C3orf33: variants seen among roughly 807,000 people sequenced by gnomAD.
C3orf33 encodes the protein mitochondrial inner membrane subdomain organizer 1.
C3orf33 carries 23 observed loss-of-function variants against 28.7 expected under a neutral mutation model. The ratio of observed to expected loss-of-function variants is 0.80; its 90% CI spans 0.58 to 1.13. C3orf33 has a LOEUF of 1.13. Ranked by LOEUF, C3orf33 falls within the 50% of genes most tolerant of loss-of-function variation. C3orf33 has a pLI of 0.00. For synonymous variants in C3orf33, 119 were observed against 120.5 expected (o/e 0.99, Z 0.08); for missense variants, 327 against 353.4 (o/e 0.93, Z 0.60).
chr3:155,777,761 C>T (rs1450003649), intron 2 of C3orf33, among the ~76,000 whole-genome samples: 1 of 152,062 alleles, frequency 6.6e-6, no homozygotes, highest in Non-Finnish European at 1.5e-5. Context: ...CTGAATCTCA[C>T]AAGGCAAGAA....
At chr3:155,768,197 G>A (rs1750474156) in intron 3 of C3orf33, among the ~76,000 whole-genome samples, 1 of 151,450 alleles carries the variant, frequency 6.6e-6, no homozygotes, top group African/African-American at 2.4e-5. Context: ...ACCCATTTCA[G>A]TAAGCTTCAG....
intron 2 of C3orf33, among the ~76,000 whole-genome samples, chr3:155,799,724 T>C (rs1751584712): frequency 6.6e-6 from 1 of 152,080 alleles, no homozygotes; most frequent in African/African-American, 2.4e-5. Flanking sequence ...ATATACATGG[T>C]AGAATACTAT....
chr3:155,806,115 G>A (rs1211604933), intron 1 of C3orf33, 24 bp downstream of exon 1: 6 of 1,383,270 alleles, frequency 4.3e-6, no homozygotes, highest in Non-Finnish European at 5.7e-6. Context: ...CCCACCACCC[G>A]CCCAGACTGC....
intron 2 of C3orf33, among the ~76,000 whole-genome samples, chr3:155,788,202 G>A (rs112074828): frequency 0.56 from 82,458 of 148,214 alleles, 23,548 homozygotes; most frequent in Middle Eastern, 0.69. Flanking sequence ...AAAAAAAAAA[G>A]GATAAAATAA....
intron 4 of C3orf33, among the ~76,000 whole-genome samples, chr3:155,767,070 TGG>T (rs1750431372): frequency 6.6e-6 from 1 of 152,070 alleles, no homozygotes; most frequent in Non-Finnish European, 1.5e-5. Flanking sequence ...CTGGCCAACA[TGG>T]TGAAACCCCA....
chr3:155,790,189 ATTGGTGCTGAG>A (rs1221700089), intron 2 of C3orf33, among the ~76,000 whole-genome samples: 1 of 113,000 alleles, frequency 8.8e-6, no homozygotes, highest in African/African-American at 3.2e-5. Flanking sequence ...AAAAAAAAAA[ATTGGTGCTGAG>A]AAAACGGAAT....
chr3:155,806,032 C>G, intron 1 of C3orf33, 107 bp downstream of exon 1: 1 of 753,860 alleles, frequency 1.3e-6, no homozygotes. Context: ...AGTTTTCTGT[C>G]GCTCCCCGGC....
chr3:155,779,101 A>G (rs1750839376), intron 2 of C3orf33, among the ~76,000 whole-genome samples: 1 of 152,226 alleles, frequency 6.6e-6, no homozygotes, highest in African/African-American at 2.4e-5. Context: ...CTGTGAACTC[A>G]AAATGAGTAA....
At chr3:155,787,532 A>G (rs552961936) in intron 2 of C3orf33, among the ~76,000 whole-genome samples, 135 of 151,210 alleles carry the variant, frequency 8.9e-4, no homozygotes, top group Admixed American at 2.6e-3. Context: ...TTTGTATTTT[A>G]GTAGAGACGG....
In C3orf33 at chr3:155,775,731, T is replaced by C. The variant is rs768936243; in HGVS notation, c.292A>G (p.Ile98Val). ...ENGLEIEHIP[I>V]TLPIIASLRK... The stretch of plus-strand genomic sequence containing the variant: ...AATGAAGCTATAATAGGTAAAGTAA[T>C]AGGTATATGTTCAATTTCTAAACCA... The change falls in exon 3 of 5, where the codon ATT (isoleucine) becomes GTT (valine). Residue 98 changes from isoleucine to valine, a missense_variant. By Grantham distance (29) the Ile-to-Val change is conservative. Transcript: ENST00000340171. 1 of 1,575,736 alleles carries C rather than the reference T, an allele frequency of 6.3e-7. No individual in the cohort carries two copies. The highest frequency in any genetic ancestry group is 8.7e-7 in the Non-Finnish European group (1 of 1,149,138).
intron 2 of C3orf33, among the ~76,000 whole-genome samples, chr3:155,778,470 G>T (rs749143736): frequency 2.6e-5 from 4 of 152,218 alleles, no homozygotes; most frequent in Non-Finnish European, 5.9e-5. Context: ...CAAAGGAAGA[G>T]AGAATACAAC....
intron 2 of C3orf33, among the ~76,000 whole-genome samples, chr3:155,784,401 A>C (rs1194014785): frequency 1.3e-5 from 2 of 152,188 alleles, no homozygotes; most frequent in Non-Finnish European, 2.9e-5. Flanking sequence ...ATGGTAACCT[A>C]GAACAAATAG....
At chr3:155,796,597 A>C (rs1394766034) in intron 2 of C3orf33, among the ~76,000 whole-genome samples, 3 of 152,198 alleles carry the variant, frequency 2.0e-5, no homozygotes, top group African/African-American at 7.2e-5. Flanking sequence ...AACGTTTAAG[A>C]GAAAAATAAA....
At chr3:155,794,349 C>A (rs764195860) in intron 2 of C3orf33, among the ~76,000 whole-genome samples, 1 of 151,838 alleles carries the variant, frequency 6.6e-6, no homozygotes, top group East Asian at 1.9e-4. Flanking sequence ...TATTTGCAAG[C>A]CTCATGGTAA....
chr3:155,794,071 C>T (rs940735899), intron 2 of C3orf33, among the ~76,000 whole-genome samples: 5 of 151,640 alleles, frequency 3.3e-5, no homozygotes, highest in Non-Finnish European at 7.4e-5. Context: ...GCAGCAGCTG[C>T]CTCCTGGGTT....
At chr3:155,766,512 A>T (rs1750406709) in intron 4 of C3orf33, among the ~76,000 whole-genome samples, 1 of 152,256 alleles carries the variant, frequency 6.6e-6, no homozygotes, top group Non-Finnish European at 1.5e-5. Flanking sequence ...GCAAACCGTC[A>T]GAAAACACCC....
chr3:155,793,389 GA>G (rs1380766578), intron 2 of C3orf33, among the ~76,000 whole-genome samples: 2 of 144,456 alleles, frequency 1.4e-5, no homozygotes, highest in African/African-American at 2.5e-5. Flanking sequence ...AAAAAAGAAA[GA>G]AAAAAAACGG....
chr3:155,783,616 G>A lies in C3orf33; in HGVS notation c.175-7768C>T, dbSNP rs147327188. On this transcript the variant is annotated intron_variant, in intron 2 of 4. Coordinates refer to ENST00000340171, the MANE Select transcript of C3orf33 (RefSeq NM_001308229.2). ...CAAGTAGCTGGGACTACAGGCACAC[G>A]CTGCCACGCCTGGCTAAGTTTTTGT... 4.4e-3 allele frequency among the ~76,000 whole-genome samples: 669 copies of A among 152,012 alleles called. 6 individuals are homozygous for A. The highest frequency in any genetic ancestry group is 0.014 in the African/African-American group (582 of 41,490).
chr3:155,769,159 G>A (rs1279599385), intron 3 of C3orf33, among the ~76,000 whole-genome samples: 13 of 151,916 alleles, frequency 8.6e-5, no homozygotes, highest in Admixed American at 7.9e-4. Flanking sequence ...CTAAAAATAC[G>A]AAATTAGCCA....
Sources: gnomAD v4.1 joint callset for allele counts (sites outside exome capture counted in the v4.1 genomes callset) on GRCh38, gnomAD v4.1.1 for gene constraint, MANE v1.5 for transcripts, NCBI Gene and HGNC (gene_info 2026-07-23, HGNC 2026-07-21) for gene names.